Variants in MED12L observed in about 807,000 individuals in gnomAD.
MED12L encodes mediator of RNA polymerase II transcription subunit 12-like protein.
A neutral mutation model predicts 281.3 loss-of-function variants in MED12L; 60 were observed. The observed-to-expected ratio is 0.21, with a 90% confidence interval of 0.17 to 0.26. MED12L has a LOEUF of 0.26. Among genes scored for constraint, MED12L ranks in the 10% least tolerant of loss-of-function variants. MED12L has a pLI of 1.00. For missense variants in MED12L, 2,146 were observed against 2,680.9 expected, an observed-to-expected ratio of 0.80 and a Z score of 4.41; for synonymous variants, 974 against 987.2, an observed-to-expected ratio of 0.99 and a Z score of 0.25.
At chr3:151,292,760 C>T (rs904930294) in intron 16 of MED12L, among the ~76,000 whole-genome samples, 18 of 151,206 alleles carry the variant, frequency 1.2e-4, no homozygotes, top group Admixed American at 9.9e-4. Context: ...TTAGTAGAGA[C>T]GGGGTTTCTC....
At chr3:151,122,727 T>C (rs1713943290) in intron 3 of MED12L, 56 bp from the exon 4 acceptor site, 1 of 1,244,160 alleles carries the variant, frequency 8.0e-7, no homozygotes, top group Non-Finnish European at 1.1e-6. Context: ...TAATGTACAG[T>C]ACTAAGCTAC....
At chr3:151,412,156 A>G (rs985707041) in intron 41 of MED12L, among the ~76,000 whole-genome samples, 2 of 152,182 alleles carry the variant, frequency 1.3e-5, no homozygotes, top group African/African-American at 2.4e-5. Flanking sequence ...TCACATTTCA[A>G]GTGTTCAGTG....
At chr3:151,170,331 A>G (rs975132576) in intron 11 of MED12L, among the ~76,000 whole-genome samples, 2 of 143,580 alleles carry the variant, frequency 1.4e-5, no homozygotes, top group African/African-American at 5.3e-5. Flanking sequence ...GCTGGAGTGC[A>G]GTGGCGTGAT....
At chr3:151,228,760 G>T (rs1278473793) in intron 16 of MED12L, among the ~76,000 whole-genome samples, 2 of 152,188 alleles carry the variant, frequency 1.3e-5, no homozygotes, top group Non-Finnish European at 1.5e-5. Flanking sequence ...ATCACTCCTG[G>T]CTTCAGGGTT....
At chr3:151,107,893 G>A (rs567082568) in intron 2 of MED12L, among the ~76,000 whole-genome samples, 5 of 152,198 alleles carry the variant, frequency 3.3e-5, no homozygotes, top group South Asian at 4.2e-4. Context: ...CATGTGACTC[G>A]CACACTTAGA....
chr3:151,107,515 C>T (rs906681380), intron 2 of MED12L, among the ~76,000 whole-genome samples: 4 of 151,972 alleles, frequency 2.6e-5, no homozygotes, highest in Non-Finnish European at 5.9e-5. Flanking sequence ...GAATGAAGGA[C>T]GGGGAGCAGG....
chr3:151,242,254 A>C (rs1327992595), intron 16 of MED12L, among the ~76,000 whole-genome samples: 1 of 152,252 alleles, frequency 6.6e-6, no homozygotes, highest in African/African-American at 2.4e-5. Context: ...GGGAAGCTCA[A>C]ACTGGGCGGA....
At chr3:151,289,048 G>T (rs935350203) in intron 16 of MED12L, among the ~76,000 whole-genome samples, 1 of 152,076 alleles carries the variant, frequency 6.6e-6, no homozygotes, top group Admixed American at 6.6e-5. Context: ...TTGAAAGAGG[G>T]TATACCAACA....
At chr3:151,242,520 A>T (rs1238211694) in intron 16 of MED12L, among the ~76,000 whole-genome samples, 11 of 152,104 alleles carry the variant, frequency 7.2e-5, no homozygotes, top group Admixed American at 2.6e-4. Flanking sequence ...GACACCTCAC[A>T]CAGCAGGGTA....
intron 16 of MED12L, among the ~76,000 whole-genome samples, chr3:151,324,709 A>G (rs184530461): frequency 9.8e-5 from 15 of 152,322 alleles, no homozygotes; most frequent in African/African-American, 3.6e-4. Context: ...TGATGGTTCT[A>G]GCAATGTGTA....
At chr3:151,406,400 A>G (rs1397031167) in intron 39 of MED12L, among the ~76,000 whole-genome samples, 1 of 152,244 alleles carries the variant, frequency 6.6e-6, no homozygotes, top group East Asian at 1.9e-4. Flanking sequence ...GTAGGAATCC[A>G]TTTCATTCTG....
At chr3:151,249,322 T>C (rs1019031777) in intron 16 of MED12L, among the ~76,000 whole-genome samples, 18 of 152,310 alleles carry the variant, frequency 1.2e-4, no homozygotes, top group African/African-American at 3.6e-4. Flanking sequence ...TTGGGAAGTA[T>C]TTTTAAGTTG....
intron 20 of MED12L, among the ~76,000 whole-genome samples, chr3:151,358,871 T>C (rs772028240): frequency 2.0e-5 from 3 of 152,204 alleles, no homozygotes. Flanking sequence ...TAACAGACTC[T>C]GAATAAATGT....
At chr3:151,337,805 T>G (rs755811028) in intron 16 of MED12L, 2 of 1,612,034 alleles carry the variant, frequency 1.2e-6, no homozygotes, top group South Asian at 2.2e-5. Flanking sequence ...AATATTTCCT[T>G]AGTTAATTTG....
Position 151,365,897 on chromosome 3 carries a change from C to G in MED12L, c.3233C>G (p.Thr1078Ser). The change falls in exon 23 of 45, where the codon ACT (threonine) becomes AGT (serine). Residue 1078 changes from threonine to serine, a missense_variant. Transcript: ENST00000687756. Reference sequence around the variant, plus strand: ...TCCTCTGAGCTTACGGCTTGCTGCACTGTTCTTAGTTCAGAATGGCTGGGG... The same window carrying G: ...TCCTCTGAGCTTACGGCTTGCTGCAGTGTTCTTAGTTCAGAATGGCTGGGG... ...NFSSELTACC[T>S]VLSSEWLGVL... is the part of the protein sequence containing the mutation. 3.1e-6 allele frequency: 5 copies of G among 1,613,514 alleles called. No homozygotes were observed. Among genetic ancestry groups the G allele is most frequent in the Non-Finnish European group, 4.2e-6 (5 of 1,179,640 alleles).
chr3:151,124,456 A>G (rs1310469006), intron 4 of MED12L, among the ~76,000 whole-genome samples: 1 of 152,228 alleles, frequency 6.6e-6, no homozygotes, highest in Non-Finnish European at 1.5e-5. Context: ...GAGCATTTCA[A>G]GAATCCTTCC....
At chr3:151,282,389 G>T (rs371805361) in intron 16 of MED12L, among the ~76,000 whole-genome samples, 16 of 151,612 alleles carry the variant, frequency 1.1e-4, no homozygotes, top group African/African-American at 3.6e-4. Flanking sequence ...TGTTTTGCTG[G>T]CAAGTTATTT....
At chr3:151,182,366 A>G (rs1481831378) in intron 11 of MED12L, among the ~76,000 whole-genome samples, 1 of 152,000 alleles carries the variant, frequency 6.6e-6, no homozygotes, top group Non-Finnish European at 1.5e-5. Context: ...TGATGTTCCC[A>G]CCTAAAATCC....
chr3:151,164,244 T>C (rs766674977), intron 9 of MED12L, among the ~76,000 whole-genome samples: 4 of 152,246 alleles, frequency 2.6e-5, no homozygotes, highest in Admixed American at 6.5e-5. Context: ...TTCTTTTCAC[T>C]GTCTTGCTGA....
Sources: allele counts gnomAD v4.1 joint callset (sites outside exome capture counted in the v4.1 genomes callset), GRCh38; gene constraint gnomAD v4.1.1; transcripts MANE v1.5; gene names NCBI Gene and HGNC (gene_info 2026-07-23, HGNC 2026-07-21).